DLG2: variants seen among roughly 807,000 people sequenced by gnomAD.
DLG2 encodes disks large homolog 2.
A neutral mutation model predicts 132.5 loss-of-function variants in DLG2; 45 were observed. The observed-to-expected ratio is 0.34, with a 90% CI of 0.27 to 0.44. The LOEUF is 0.44. Among genes scored for constraint, DLG2 ranks in the 20% least tolerant of loss-of-function variants. DLG2 has a pLI of 1.00. For missense variants in DLG2, 1,045 were observed against 1,196.9 expected (o/e 0.87, Z 1.87); for synonymous variants, 424 against 419.6 (o/e 1.01, Z -0.13).
At chr11:84,078,912 A>AT (rs2096864703) in intron 10 of DLG2, among the ~76,000 whole-genome samples, 1 of 152,026 alleles carries the variant, frequency 6.6e-6, no homozygotes, top group Non-Finnish European at 1.5e-5. Flanking sequence ...GGCATCTTAA[A>AT]TTAACATTGT....
intron 4 of DLG2, among the ~76,000 whole-genome samples, chr11:85,260,830 G>T (rs1414617867): frequency 6.6e-6 from 1 of 152,138 alleles, no homozygotes; most frequent in Non-Finnish European, 1.5e-5. Context: ...TTATTACACT[G>T]ATCTGCATGT....
Position 85,503,369 on chromosome 11 carries a change from C to G in DLG2, c.40+95288G>C, listed in dbSNP as rs533157190. Among the ~76,000 whole-genome samples, 13 of 152,214 alleles carry G rather than the reference C, an allele frequency of 8.5e-5. No individual in the cohort carries two copies. The East Asian group carries it at 2.5e-3, about 29-fold the overall frequency. ...CTTCTCAACTCTTTGATCTGAGTCA[C>G]TATATTCTCTTTCCTTTTCCATTGC... On this transcript the variant is annotated intron_variant, in intron 3 of 27. Coordinates refer to ENST00000376104, the MANE Select transcript of DLG2 (RefSeq NM_001142699.3).
At chr11:84,157,725 T>G (rs180857418) in intron 9 of DLG2, among the ~76,000 whole-genome samples, 2 of 152,358 alleles carry the variant, frequency 1.3e-5, no homozygotes, top group African/African-American at 4.8e-5. Flanking sequence ...TTTTTGTGCA[T>G]TTACTTCTGT....
chr11:83,890,947 G>A (rs1312202652), intron 15 of DLG2, among the ~76,000 whole-genome samples: 4 of 152,080 alleles, frequency 2.6e-5, no homozygotes, highest in Non-Finnish European at 5.9e-5. Context: ...CAGCAGTGGT[G>A]CTTTATACTG....
chr11:83,658,346 T>C (rs755295271), intron 18 of DLG2, among the ~76,000 whole-genome samples: 2 of 152,130 alleles, frequency 1.3e-5, no homozygotes, highest in South Asian at 4.1e-4. Flanking sequence ...CTCCAACAGA[T>C]AGATGAGAGA....
At chr11:83,725,867 A>G (rs1298063956) in intron 18 of DLG2, among the ~76,000 whole-genome samples, 1 of 152,122 alleles carries the variant, frequency 6.6e-6, no homozygotes, top group Admixed American at 6.6e-5. Flanking sequence ...TTCCCTCTCA[A>G]TATTATCACT....
At chr11:85,298,810 T>C (rs941665188) in intron 3 of DLG2, among the ~76,000 whole-genome samples, 1 of 152,124 alleles carries the variant, frequency 6.6e-6, no homozygotes, top group Non-Finnish European at 1.5e-5. Context: ...ATTGCTCTTG[T>C]TCCCAGGAGA....
intron 4 of DLG2, among the ~76,000 whole-genome samples, chr11:85,157,897 C>T (rs2077708245): frequency 6.6e-6 from 1 of 152,204 alleles, no homozygotes; most frequent in South Asian, 2.1e-4. Flanking sequence ...CCAGTAGTGG[C>T]AACATCCCCT....
intron 7 of DLG2, among the ~76,000 whole-genome samples, chr11:84,289,493 T>C (rs1399066152): frequency 2.0e-5 from 3 of 151,944 alleles, no homozygotes; most frequent in Non-Finnish European, 4.4e-5. Flanking sequence ...TCTCAGCTCA[T>C]GGGGGAAATG....
At chr11:85,351,418 A>C (rs2083277744) in intron 3 of DLG2, among the ~76,000 whole-genome samples, 1 of 152,170 alleles carries the variant, frequency 6.6e-6, no homozygotes, top group African/African-American at 2.4e-5. Context: ...CTCTTGCCTG[A>C]TTGCCCTGGC....
intron 6 of DLG2, among the ~76,000 whole-genome samples, chr11:84,661,191 A>AGTTTTGTTTTGTTTT (rs1212386594): frequency 6.6e-6 from 1 of 152,128 alleles, no homozygotes; most frequent in Non-Finnish European, 1.5e-5. Context: ...CTTTGCAGGT[A>AGTTTTGTTTTGTTTT]GTTTTGTTTT....
chr11:84,943,167 CGT>C (rs201404405), intron 6 of DLG2, among the ~76,000 whole-genome samples: 48,497 of 137,358 alleles, frequency 0.35, 7,824 homozygotes, highest in East Asian at 0.38. Context: ...TGTGTGTGTG[CGT>C]GTGTGTGTGT....
At chr11:83,529,671 GA>G (rs2140963676) in intron 21 of DLG2, among the ~76,000 whole-genome samples, 1 of 152,002 alleles carries the variant, frequency 6.6e-6, no homozygotes, top group African/African-American at 2.4e-5. Flanking sequence ...CACAGGAGAT[GA>G]AACTTGTTTG....
intron 7 of DLG2, among the ~76,000 whole-genome samples, chr11:84,259,817 G>A (rs976398029): frequency 3.3e-5 from 5 of 151,648 alleles, no homozygotes; most frequent in East Asian, 3.9e-4. Flanking sequence ...TAAGTAACTC[G>A]CCCAAGGTCA....
intron 7 of DLG2, among the ~76,000 whole-genome samples, chr11:84,336,915 G>T (rs2098487574): frequency 1.3e-5 from 2 of 152,098 alleles, no homozygotes; most frequent in African/African-American, 4.8e-5. Flanking sequence ...AATCCAAGGG[G>T]ATGCCTTCTC....
chr11:84,593,891 C>T (rs138008226), intron 6 of DLG2, among the ~76,000 whole-genome samples: 1 of 152,310 alleles, frequency 6.6e-6, no homozygotes. Flanking sequence ...ATATTGAAGA[C>T]TGAGCAATTA....
intron 3 of DLG2, among the ~76,000 whole-genome samples, chr11:85,522,167 C>A (rs2153179434): frequency 6.6e-6 from 1 of 152,234 alleles, no homozygotes; most frequent in South Asian, 2.1e-4. Flanking sequence ...TGTGTCCCAG[C>A]CACTCCAGCC....
chr11:84,790,557 C>A (rs1177453448), intron 6 of DLG2, among the ~76,000 whole-genome samples: 1 of 152,056 alleles, frequency 6.6e-6, no homozygotes, highest in Non-Finnish European at 1.5e-5. Context: ...TTGTTGATTG[C>A]TTCCTTTGCT....
At chr11:83,948,414 G>T (rs2084610311) in intron 14 of DLG2, among the ~76,000 whole-genome samples, 1 of 152,108 alleles carries the variant, frequency 6.6e-6, no homozygotes, top group Non-Finnish European at 1.5e-5. Flanking sequence ...TGGCCAGAAT[G>T]ACAGGCATTA....
Sources: allele counts gnomAD v4.1 joint callset (sites outside exome capture counted in the v4.1 genomes callset), GRCh38; gene constraint gnomAD v4.1.1; transcripts MANE v1.5; gene names NCBI Gene and HGNC (gene_info 2026-07-23, HGNC 2026-07-21).